Variants in DSC1 observed in about 807,000 individuals in gnomAD.
DSC1 encodes the protein desmocollin 1.
A neutral mutation model predicts 98.8 loss-of-function variants in DSC1; 79 were observed. The ratio of observed to expected loss-of-function variants is 0.80; its 90% confidence interval spans 0.67 to 0.96. The LOEUF (loss-of-function observed/expected upper bound fraction) is 0.96, where lower values mean the gene tolerates loss of function less well. Ranked by LOEUF, DSC1 falls within the 50% of genes least tolerant of loss-of-function variation. The pLI is 0.00. For missense variants in DSC1, 1,115 were observed against 1,075.9 expected (o/e 1.04, Z -0.51); for synonymous variants, 405 against 372.1 (o/e 1.09, Z -1.02).
chr18:31,157,005 C>A (rs532417293), intron 3 of DSC1, among the ~76,000 whole-genome samples: 3 of 152,320 alleles, frequency 2.0e-5, no homozygotes, highest in Non-Finnish European at 4.4e-5. Flanking sequence ...GGGAAGAGAG[C>A]CGCACAGGGT....
At position 31,133,922 on chromosome 18, in the gene DSC1, A is replaced by T; in HGVS notation, c.2085T>A (p.Leu695=). 2 of 1,613,170 alleles carry T rather than the reference A, an allele frequency of 1.2e-6. No homozygotes were observed. Among genetic ancestry groups the T allele is most frequent in the Non-Finnish European group, 1.7e-6 (2 of 1,179,496 alleles). The change falls in exon 13 of 16, where the codon CTT becomes CTA. Residue 695 remains leucine (L), a synonymous_variant. Coordinates refer to ENST00000257198, the MANE Select transcript of DSC1 (RefSeq NM_024421.2). ...ACAATACAGAACCCAACACCATAGC[A>T]AGAATAGCCCATCTTCCAAGTATTA... ...PNVILGRWAI[L]AMVLGSVLLL...
chr18:31,139,607 G>T, intron 11 of DSC1, 141 bp downstream of exon 11: 2 of 859,300 alleles, frequency 2.3e-6, no homozygotes, highest in Non-Finnish European at 3.4e-6. Flanking sequence ...GCCTAAACTG[G>T]GTGATATCCA....
intron 12 of DSC1, 55 bp from the exon 13 acceptor site, chr18:31,134,185 A>C (rs1598613422): frequency 6.4e-7 from 1 of 1,562,676 alleles, no homozygotes; most frequent in East Asian, 2.3e-5. Context: ...TGGCAGTATT[A>C]TTCCTACTCA....
chr18:31,134,301 T>C (rs1264219774), intron 12 of DSC1, among the ~76,000 whole-genome samples, 171 bp from the exon 13 acceptor site: 1 of 152,014 alleles, frequency 6.6e-6, no homozygotes, highest in Non-Finnish European at 1.5e-5. Context: ...TTGATGTTGC[T>C]TTATGCTGAT....
At chr18:31,161,741 T>A (rs1306939155) in intron 1 of DSC1, among the ~76,000 whole-genome samples, 2 of 152,152 alleles carry the variant, frequency 1.3e-5, no homozygotes, top group Non-Finnish European at 2.9e-5. Flanking sequence ...AGTTATCGTC[T>A]CCCTAAGCAG....
At position 31,132,546 on chromosome 18, in the gene DSC1, AGGG is replaced by A; in HGVS notation, c.2238+19_2238+21del. 1 of 1,611,700 alleles carries A rather than the reference AGGG, an allele frequency of 6.2e-7. No individual in the cohort carries two copies. Among genetic ancestry groups the A allele is most frequent in the Non-Finnish European group, 8.5e-7 (1 of 1,178,690 alleles). ...ATCATTTGTTCACCGTACAATTCAAAGGGATGTGAAATCTGATTTACCGTTACT... is the reference window on the plus strand; with the variant it reads ...ATCATTTGTTCACCGTACAATTCAAAATGTGAAATCTGATTTACCGTTACT... On this transcript the variant is annotated intron_variant, in intron 14 of 15. Transcript: ENST00000257198.
rs755720930 is a variant in DSC1, at chr18:31,148,578, T to C, written c.692A>G (p.Lys231Arg). ...APEYPLPLII[K>R]IEDDNDNAPY... is the part of the protein sequence containing the mutation. ...GGCGTTATCATTATCATCTTCAATT[T>C]TGATGATCAAAGGGAGTGGATATTC... Residue 231 changes from lysine (K) to arginine (R), a missense_variant, in exon 6 of 16, where the codon AAA (lysine) becomes AGA (arginine). Physicochemically the swap from Lys to Arg is conservative, Grantham distance 26. Transcript: ENST00000257198. 8.1e-6 allele frequency: 13 copies of C among 1,612,276 alleles called. No homozygotes were observed. In the Admixed American group the frequency reaches 1.3e-4, roughly 17 times the overall value.
chr18:31,145,549 C>G, intron 7 of DSC1, 62 bp downstream of exon 7: 1 of 1,579,114 alleles, frequency 6.3e-7, no homozygotes, highest in Non-Finnish European at 8.6e-7. Context: ...CAACTTCTCT[C>G]GGGAGTTCAT....
At chr18:31,136,367 C>A (rs956293082) in intron 11 of DSC1, among the ~76,000 whole-genome samples, 4 of 151,972 alleles carry the variant, frequency 2.6e-5, no homozygotes, top group Non-Finnish European at 5.9e-5. Flanking sequence ...ATAGAAAAAT[C>A]GTAAGAAAAC....
Position 31,156,169 on chromosome 18 carries a change from T to A in DSC1, c.352-7A>T, listed in dbSNP as rs1012311960. ...TATGTCTCTTCTTAGGAGACTACAT[T>A]TGACAAGAAACAAAGAAATGTAGCA... On this transcript the variant is annotated splice_polypyrimidine_tract_variant and splice_region_variant and intron_variant, in intron 3 of 15. Transcript: ENST00000257198. 1 of 1,597,878 alleles carries A rather than the reference T, an allele frequency of 6.3e-7. No homozygotes were observed. Among genetic ancestry groups the A allele is most frequent in the African/African-American group, 1.4e-5 (1 of 73,732 alleles).
At position 31,131,678 on chromosome 18, in the gene DSC1, C is replaced by T; in HGVS notation, c.2403G>A (p.Glu801=). The T allele has an allele frequency of 6.2e-7, 1 of 1,614,120 alleles. No individual in the cohort carries two copies. Among genetic ancestry groups the T allele is most frequent in the Non-Finnish European group, 8.5e-7 (1 of 1,179,992 alleles). The change falls in exon 15 of 16, where the codon GAG becomes GAA. Residue 801 remains glutamate (E), a synonymous_variant. Transcript: ENST00000257198. The part of the protein sequence containing the change: ...SNKGGGHQTL[E]SVKGVGQGDT... ...CTCCCTGCCCCACTCCCTTGACGGACTCCAAGGTCTGATGTCCACCTCCTT... is the reference window on the plus strand; with the variant it reads ...CTCCCTGCCCCACTCCCTTGACGGATTCCAAGGTCTGATGTCCACCTCCTT...
intron 11 of DSC1, among the ~76,000 whole-genome samples, chr18:31,138,081 T>A (rs1224068131): frequency 6.6e-6 from 1 of 152,006 alleles, no homozygotes; most frequent in East Asian, 1.9e-4. Flanking sequence ...AACATCCTTA[T>A]CTTTACTTTT....
Position 31,157,486 on chromosome 18 carries a change from G to C in DSC1, c.236C>G (p.Thr79Arg). Residue 79 changes from threonine (T) to arginine (R), a missense_variant, in exon 3 of 16, where the codon ACA (threonine) becomes AGA (arginine). Physicochemically the swap from Thr to Arg is moderately conservative, Grantham distance 71 (BLOSUM62 -1). Transcript: ENST00000257198. ...FRILEDGSIY[T>R]THDLILSSER... Reference sequence around the variant, plus strand: ...AGAAGACAAAATGAGGTCATGTGTTGTGTAAATTGAGCCATCTTCTAGAAT... The same window carrying C: ...AGAAGACAAAATGAGGTCATGTGTTCTGTAAATTGAGCCATCTTCTAGAAT... 1.9e-6 allele frequency: 3 copies of C among 1,614,188 alleles called. No homozygotes were observed. The highest frequency in any genetic ancestry group is 2.5e-6 in the Non-Finnish European group (3 of 1,180,044).
intron 8 of DSC1, 104 bp from the exon 9 acceptor site, chr18:31,142,288 A>G: frequency 8.0e-7 from 1 of 1,242,998 alleles, no homozygotes; most frequent in Non-Finnish European, 1.1e-6. Context: ...GTGATGTGAA[A>G]AGCTGCCCTC....
At position 31,130,542 on chromosome 18, in the gene DSC1, G is replaced by A; in HGVS notation, c.2657C>T (p.Thr886Ile). 1 of 1,614,112 alleles carries A rather than the reference G, an allele frequency of 6.2e-7. No individual in the cohort carries two copies. Among genetic ancestry groups the A allele is most frequent in the Non-Finnish European group, 8.5e-7 (1 of 1,179,998 alleles). ...TTTCTTGATGCATGTCTTTGCTAAT[G>A]TCCTAAATTTGGGTTCCAGGTGATC... Reference protein sequence around the residue: ...FLDHLEPKFRTLAKTCIKK With the variant: ...FLDHLEPKFRILAKTCIKK The change falls in exon 16 of 16, where the codon ACA becomes ATA. Residue 886 changes from threonine to isoleucine, a missense_variant. By Grantham distance (89) the Thr-to-Ile change is moderately conservative. Coordinates refer to ENST00000257198, the MANE Select transcript of DSC1 (RefSeq NM_024421.2).
At position 31,143,618 on chromosome 18, in the gene DSC1, T is replaced by C. The variant is rs1598620010; in HGVS notation, c.1074+39A>G. 5 of 1,428,360 alleles carry C rather than the reference T, an allele frequency of 3.5e-6. No homozygotes were observed. The Admixed American group carries it at 1.1e-4, about 30-fold the overall frequency. 88.5% of individuals were successfully genotyped at this position (1,428,360 alleles called of 1,614,324 possible). On this transcript the variant is annotated intron_variant, in intron 8 of 15. Transcript: ENST00000257198. The stretch of plus-strand genomic sequence containing the variant: ...ATTCTAGACATGTTTTTTGAAAAAG[T>C]AGATAAATCTAGATGAATGAATAGA...
In DSC1 at chr18:31,143,755, C is replaced by T; in HGVS notation, c.976G>A (p.Asp326Asn). ...DTYQLIMEVR[D>N]MGGQPFGLFN... ...AAACCGAAAGGCTGACCACCCATGT[C>T]TCGCACTTCCATTATTAACTGGTAA... The change falls in exon 8 of 16, where the codon GAC (aspartate) becomes AAC (asparagine). Residue 326 changes from aspartate (D) to asparagine (N), a missense_variant. By Grantham distance (23) the Asp-to-Asn change is conservative. Coordinates refer to ENST00000257198, the MANE Select transcript of DSC1 (RefSeq NM_024421.2). 6.2e-7 allele frequency: 1 copy of T among 1,601,310 alleles called. No individual in the cohort carries two copies. The highest frequency in any genetic ancestry group is 8.5e-7 in the Non-Finnish European group (1 of 1,173,832).
At chr18:31,136,368 G>C (rs750145610) in intron 11 of DSC1, among the ~76,000 whole-genome samples, 1 of 151,926 alleles carries the variant, frequency 6.6e-6, no homozygotes, top group African/African-American at 2.4e-5. Context: ...TAGAAAAATC[G>C]TAAGAAAACA....
chr18:31,140,350 A>G, intron 9 of DSC1, 49 bp from the exon 10 acceptor site: 3 of 1,499,922 alleles, frequency 2.0e-6, no homozygotes, highest in Non-Finnish European at 2.7e-6. Context: ...ATTATATATA[A>G]GACTTCTAAT....
Sources: gnomAD v4.1 joint callset for allele counts (sites outside exome capture counted in the v4.1 genomes callset) on GRCh38, gnomAD v4.1.1 for gene constraint, MANE v1.5 for transcripts, NCBI Gene and HGNC (gene_info 2026-07-23, HGNC 2026-07-21) for gene names.